KIZ: variants seen among roughly 807,000 people sequenced by gnomAD.
The protein encoded by KIZ is centrosomal protein kizuna.
Under a neutral mutation model 79.6 loss-of-function variants are expected in KIZ, and 68 were observed. That is an observed-to-expected ratio of 0.85 (90% CI 0.70 to 1.05). KIZ has a LOEUF of 1.05. KIZ is among the 50% of genes least tolerant of loss of function. KIZ has a pLI of 0.00. For synonymous variants in KIZ, 280 were observed against 281.8 expected, an observed-to-expected ratio of 0.99 and a Z score of 0.06; for missense variants, 797 against 800.4, an observed-to-expected ratio of 1.00 and a Z score of 0.05.
intron 6 of KIZ, among the ~76,000 whole-genome samples, chr20:21,181,271 C>T (rs2034644117): frequency 6.6e-6 from 1 of 152,208 alleles, no homozygotes; most frequent in South Asian, 2.1e-4. Context: ...CACACAAGAG[C>T]AGCCACCTGG....
intron 3 of KIZ, among the ~76,000 whole-genome samples, chr20:21,138,689 C>T (rs964068584): frequency 6.6e-6 from 1 of 151,846 alleles, no homozygotes; most frequent in Non-Finnish European, 1.5e-5. Context: ...CATTTTTTTC[C>T]CCTTTTGCAT....
chr20:21,239,322 T>C (rs2037139157), intron 11 of KIZ, among the ~76,000 whole-genome samples: 1 of 152,220 alleles, frequency 6.6e-6, no homozygotes, highest in South Asian at 2.1e-4. Context: ...CCCTACTGTT[T>C]TACTGCTTCT....
intron 3 of KIZ, among the ~76,000 whole-genome samples, chr20:21,140,917 G>A (rs1028012132): frequency 1.3e-4 from 19 of 151,966 alleles, no homozygotes; most frequent in African/African-American, 4.4e-4. Context: ...GATGGGGGGG[G>A]ATCATTTGAG....
intron 1 of KIZ, among the ~76,000 whole-genome samples, chr20:21,128,415 G>A (rs2031621252): frequency 6.6e-6 from 1 of 152,132 alleles, no homozygotes; most frequent in Non-Finnish European, 1.5e-5. Context: ...GCAACCCTGG[G>A]TAGTCACAGC....
chr20:21,243,342 T>A (rs1444890627), intron 11 of KIZ, among the ~76,000 whole-genome samples: 1 of 152,136 alleles, frequency 6.6e-6, no homozygotes, highest in African/African-American at 2.4e-5. Flanking sequence ...AAACGTAGAT[T>A]TTTAAGCCAA....
intron 3 of KIZ, among the ~76,000 whole-genome samples, chr20:21,145,259 C>T (rs1211620208): frequency 6.6e-6 from 1 of 151,270 alleles, no homozygotes; most frequent in Non-Finnish European, 1.5e-5. Flanking sequence ...GATAAAGTAT[C>T]AAACTGTATA....
At chr20:21,214,455 T>C (rs946532532) in intron 7 of KIZ, 80 bp from the exon 8 acceptor site, 7 of 936,322 alleles carry the variant, frequency 7.5e-6, no homozygotes, top group Non-Finnish European at 1.1e-5. Context: ...AAAATTATAT[T>C]TGAAGGCTAT....
In KIZ at chr20:21,214,577, C is replaced by G. The variant is rs375058051; in HGVS notation, c.1489C>G (p.Arg497Gly). Reference protein sequence around the residue: ...LRKALTEECGRRSAIHSSESS... With the variant: ...LRKALTEECGGRSAIHSSESS... ...AAAAGCCCTTACAGAAGAGTGTGGC[C>G]GTAGGTCAGCTATTCACAGTAGTGA... The change falls in exon 8 of 13, where the codon CGT becomes GGT. Residue 497 changes from arginine (R) to glycine (G), a missense_variant. Transcript: ENST00000619189. The G allele has an allele frequency of 1.2e-6, 2 of 1,613,214 alleles. No individual in the cohort carries two copies. Among genetic ancestry groups the G allele is most frequent in the Admixed American group, 3.3e-5 (2 of 59,998 alleles).
chr20:21,149,035 T>C (rs2032985764), intron 4 of KIZ: 1 of 152,250 alleles, frequency 6.6e-6, no homozygotes, highest in African/African-American at 2.4e-5. Context: ...TTTATGTGTA[T>C]CAACTCATTT....
intron 4 of KIZ, among the ~76,000 whole-genome samples, chr20:21,147,769 A>G (rs1026427162): frequency 3.3e-5 from 5 of 152,226 alleles, no homozygotes; most frequent in Non-Finnish European, 7.3e-5. Context: ...ATGAGCAATG[A>G]GAAGAAAGAA....
intron 4 of KIZ, among the ~76,000 whole-genome samples, chr20:21,155,366 A>T (rs2033327337): frequency 6.6e-6 from 1 of 152,088 alleles, no homozygotes; most frequent in Non-Finnish European, 1.5e-5. Context: ...GATAAATGCC[A>T]CAAAATGGAT....
chr20:21,220,545 A>G (rs1300752053), intron 9 of KIZ, among the ~76,000 whole-genome samples: 3 of 151,996 alleles, frequency 2.0e-5, no homozygotes, highest in African/African-American at 7.3e-5. Context: ...GTGCGGTGGC[A>G]CGATCTTGGC....
At chr20:21,238,419 A>G (rs551929646) in intron 11 of KIZ, among the ~76,000 whole-genome samples, 1 of 151,456 alleles carries the variant, frequency 6.6e-6, no homozygotes, top group Admixed American at 6.6e-5. Flanking sequence ...GTGTGTGTGG[A>G]CACATACATT....
At position 21,168,668 on chromosome 20, in the gene KIZ, C is replaced by T. The variant is rs542885010; in HGVS notation, c.1352+5509C>T. 1.4e-3 allele frequency among the ~76,000 whole-genome samples: 218 copies of T among 152,258 alleles called. 1 individual carries two copies. The highest frequency in any genetic ancestry group is 4.9e-3 in the African/African-American group (205 of 41,546). ...GAACAAAGCTGGAGGCATCACGCTA[C>T]CTGACTTCAAACTATACTACAAGGC... On this transcript the variant is annotated intron_variant, in intron 6 of 12. Transcript: ENST00000619189.
intron 6 of KIZ, among the ~76,000 whole-genome samples, chr20:21,166,989 A>C (rs1049957785): frequency 6.6e-6 from 1 of 152,224 alleles, no homozygotes; most frequent in Non-Finnish European, 1.5e-5. Flanking sequence ...AGGAAATGGC[A>C]TGCAGCCTCT....
intron 11 of KIZ, among the ~76,000 whole-genome samples, chr20:21,239,499 G>C (rs887460103): frequency 3.9e-5 from 6 of 152,210 alleles, no homozygotes; most frequent in Non-Finnish European, 8.8e-5. Flanking sequence ...GCTCTGGATT[G>C]ATAATCTGTG....
At chr20:21,146,152 C>T (rs932701688) in intron 4 of KIZ, among the ~76,000 whole-genome samples, 1 of 152,166 alleles carries the variant, frequency 6.6e-6, no homozygotes, top group Non-Finnish European at 1.5e-5. Flanking sequence ...GGCTTCTAAT[C>T]CTCCTGCCTA....
rs566587216 is a variant in KIZ at position 21,241,521 on chromosome 20, T to C, written c.1881-2724T>C. On this transcript the variant is annotated intron_variant, in intron 11 of 12. Transcript: ENST00000619189. ...AATTAATTCACATTTCACTAGGATG[T>C]TTACTGGCTCCCTGCATTACACAAT... Among the ~76,000 whole-genome samples the C allele has an allele frequency of 4.6e-5, 7 of 152,322 alleles. No individual in the cohort carries two copies. In the East Asian group the frequency reaches 7.7e-4, roughly 17 times the overall value.
chr20:21,191,154 A>G (rs895097754), intron 6 of KIZ, among the ~76,000 whole-genome samples: 5 of 152,236 alleles, frequency 3.3e-5, no homozygotes, highest in African/African-American at 1.2e-4. Context: ...CTCATAAAGC[A>G]TTTGTTCATT....
Sources: gnomAD v4.1 joint callset for allele counts (sites outside exome capture counted in the v4.1 genomes callset) on GRCh38, gnomAD v4.1.1 for gene constraint, MANE v1.5 for transcripts, NCBI Gene and HGNC (gene_info 2026-07-23, HGNC 2026-07-21) for gene names.